Variants in ITSN2 observed in about 807,000 individuals in gnomAD.
The protein encoded by ITSN2 is intersectin-2.
ITSN2 carries 156 observed loss-of-function variants against 243.7 expected under a neutral mutation model. The ratio of observed to expected loss-of-function variants is 0.64; its 90% CI spans 0.56 to 0.73. The LOEUF is 0.73. ITSN2 is among the 30% of genes least tolerant of loss of function. The probability of loss-of-function intolerance (pLI) is 0.00; values close to 1 mark genes in which losing one functional copy is unlikely to be tolerated. For synonymous variants in ITSN2, 703 were observed against 699.9 expected (o/e 1.00, Z -0.07); for missense variants, 1,801 against 1,996.1 (o/e 0.90, Z 1.86).
chr2:24,325,235 C>G (rs1227875452), intron 2 of ITSN2, among the ~76,000 whole-genome samples: 6 of 151,802 alleles, frequency 4.0e-5, no homozygotes, highest in Admixed American at 3.9e-4. Context: ...ATAGTGAGAC[C>G]CCCATGTCTA....
chr2:24,238,686 AATGT>A (rs1391372878), intron 29 of ITSN2, among the ~76,000 whole-genome samples: 3 of 152,214 alleles, frequency 2.0e-5, no homozygotes, highest in African/African-American at 7.2e-5. Context: ...TGTGAGCAAC[AATGT>A]ATTAAAATCA....
intron 38 of ITSN2, 116 bp downstream of exon 38, chr2:24,205,098 G>C (rs1448970580): frequency 3.9e-6 from 3 of 776,258 alleles, no homozygotes; most frequent in East Asian, 5.4e-5. Flanking sequence ...AGTGAGCCAA[G>C]ATCGTGCCAC....
intron 2 of ITSN2, among the ~76,000 whole-genome samples, chr2:24,326,501 C>T (rs186325047): frequency 1.5e-3 from 230 of 152,242 alleles, no homozygotes; most frequent in African/African-American, 5.1e-3. Context: ...GCATAAAAAT[C>T]CTCAAACTTG....
chr2:24,358,261 G>A (rs759070416), intron 1 of ITSN2, among the ~76,000 whole-genome samples: 6 of 152,118 alleles, frequency 3.9e-5, no homozygotes, highest in Non-Finnish European at 8.8e-5. Context: ...ACCAGATAAG[G>A]CACAGGTGCT....
intron 31 of ITSN2, 143 bp from the exon 32 acceptor site, chr2:24,216,375 A>G (rs1023146073): frequency 4.8e-6 from 3 of 624,830 alleles, no homozygotes; most frequent in African/African-American, 1.9e-5. Flanking sequence ...CTCAAGAGGA[A>G]GAGGAGATAG....
intron 1 of ITSN2, among the ~76,000 whole-genome samples, chr2:24,340,220 G>A (rs1172295430): frequency 1.3e-5 from 2 of 152,110 alleles, no homozygotes; most frequent in Non-Finnish European, 2.9e-5. Context: ...GGTGGCTCAC[G>A]CCTGAAATCC....
intron 1 of ITSN2, chr2:24,335,122 T>G (rs6728824): frequency 0.12 from 24,502 of 209,832 alleles, 2,125 homozygotes; most frequent in African/African-American, 0.28. Flanking sequence ...TGGGAAGAGA[T>G]AAGAGAAAGG....
chr2:24,305,833 T>A (rs180758460), intron 8 of ITSN2, among the ~76,000 whole-genome samples: 3 of 152,262 alleles, frequency 2.0e-5, no homozygotes, highest in Admixed American at 2.0e-4. Context: ...CAATGTGACA[T>A]ATACTAATGA....
chr2:24,353,371 C>T (rs11125549), intron 1 of ITSN2, among the ~76,000 whole-genome samples: 98,931 of 151,850 alleles, frequency 0.65, 32,578 homozygotes, highest in East Asian at 0.78. Flanking sequence ...TGAGTGGGGG[C>T]GAATCGTCTG....
chr2:24,263,980 G>C (rs11893541), intron 20 of ITSN2, among the ~76,000 whole-genome samples: 11 of 152,156 alleles, frequency 7.2e-5, no homozygotes, highest in Non-Finnish European at 1.6e-4. Context: ...GGCTTATGGA[G>C]ATATAATTCA....
intron 37 of ITSN2, chr2:24,206,192 T>TTAAAG: frequency 2.6e-6 from 1 of 377,360 alleles, no homozygotes; most frequent in South Asian, 2.1e-5. Flanking sequence ...CAGCAAGCTT[T>TTAAAG]TAAAGTACCA....
chr2:24,220,943 A>G lies in ITSN2; in HGVS notation c.3699+2T>C. ...AGAGCTAGCCAGCAGCAGCCTCCTC[A>G]CCTCGACGACGAGCTGAAGGTCAGC... On this transcript the variant is annotated splice_donor_variant, in intron 30 of 39. Coordinates refer to ENST00000355123, the MANE Select transcript of ITSN2 (RefSeq NM_006277.3). LOFTEE classifies it high-confidence loss of function. 1 of 1,595,414 alleles carries G rather than the reference A, an allele frequency of 6.3e-7. No homozygotes were observed. The highest frequency in any genetic ancestry group is 1.1e-5 in the South Asian group (1 of 87,676).
chr2:24,284,810 G>C lies in ITSN2; in HGVS notation c.1897C>G (p.Leu633Val). Reference sequence around the variant, plus strand: ...TTGAGACAGCTTAGCAGAGACAAAAGGCACTGAAGAACAGAGTCATCCATA... The same window carrying C: ...TTGAGACAGCTTAGCAGAGACAAAACGCACTGAAGAACAGAGTCATCCATA... ...GNMDDSVLQC[L>V]LSLLSCLNNL... The change falls in exon 17 of 40, where the codon CTT becomes GTT. Residue 633 changes from leucine to valine, a missense_variant. Around this residue, in one of 5 missense-constraint regions of ITSN2, gnomAD observed 787 missense variants for 803.9 expected, o/e 0.98. Coordinates refer to ENST00000355123, the MANE Select transcript of ITSN2 (RefSeq NM_006277.3). 2 of 1,606,246 alleles carry C rather than the reference G, an allele frequency of 1.2e-6. No homozygotes were observed. The highest frequency in any genetic ancestry group is 1.1e-5 in the South Asian group (1 of 90,924).
intron 24 of ITSN2, 29 bp from the exon 25 acceptor site, chr2:24,252,540 A>G (rs1674480420): frequency 6.5e-7 from 1 of 1,538,642 alleles, no homozygotes; most frequent in Non-Finnish European, 8.9e-7. Flanking sequence ...AAAGAAGTAG[A>G]TTCTGGTTTT....
At chr2:24,313,335 A>G (rs1036756273) in intron 4 of ITSN2, 125 bp downstream of exon 4, 1 of 700,896 alleles carries the variant, frequency 1.4e-6, no homozygotes, top group Non-Finnish European at 2.3e-6. Context: ...TCAGACTCCC[A>G]AAGTGCTGGC....
At chr2:24,335,809 T>C (rs1686299657) in intron 1 of ITSN2, among the ~76,000 whole-genome samples, 1 of 151,940 alleles carries the variant, frequency 6.6e-6, no homozygotes. Flanking sequence ...AGCTAATTTT[T>C]GTATTTTTAG....
intron 29 of ITSN2, 120 bp from the exon 30 acceptor site, chr2:24,221,186 A>C: frequency 9.0e-7 from 1 of 1,115,400 alleles, no homozygotes; most frequent in Non-Finnish European, 1.3e-6. Context: ...GCAGCCTTAA[A>C]AAGGACGCTG....
chr2:24,298,197 G>A (rs2151643340), intron 13 of ITSN2, among the ~76,000 whole-genome samples: 1 of 150,812 alleles, frequency 6.6e-6, no homozygotes, highest in South Asian at 2.1e-4. Flanking sequence ...TCACTCTGTT[G>A]CCCAGGCTCG....
chr2:24,205,826 G>GACTT (rs1366992918), intron 37 of ITSN2: 1 of 163,956 alleles, frequency 6.1e-6, no homozygotes, highest in East Asian at 1.7e-4. Context: ...GCATGTGCTA[G>GACTT]ACTTATGTAA....
Sources: gnomAD v4.1 joint callset for allele counts (sites outside exome capture counted in the v4.1 genomes callset) on GRCh38, gnomAD v4.1.1 for gene constraint, gnomAD v4.1.1 regional missense constraint, MANE v1.5 for transcripts, NCBI Gene and HGNC (gene_info 2026-07-23, HGNC 2026-07-21) for gene names.